Variants in MTMR9 observed in about 807,000 individuals in gnomAD.
MTMR9 encodes the protein myotubularin related protein 9, also known as myotubularin-related protein 9.
Under a neutral mutation model 69.5 loss-of-function variants are expected in MTMR9, and 39 were observed. The observed-to-expected ratio is 0.56, with a 90% confidence interval of 0.43 to 0.73. MTMR9 has a LOEUF of 0.73. MTMR9 is among the 30% of genes least tolerant of loss of function. The pLI is 0.00. For missense variants in MTMR9, 900 were observed against 671.2 expected (o/e 1.34, Z -3.77); for synonymous variants, 354 against 240.8 (o/e 1.47, Z -4.35).
intron 6 of MTMR9, among the ~76,000 whole-genome samples, chr8:11,312,685 A>T (rs1351280717): frequency 1.3e-5 from 2 of 152,236 alleles, no homozygotes; most frequent in African/African-American, 2.4e-5. Context: ...GATATTTTTA[A>T]TGGCATCTAG....
chr8:11,331,506 C>A (rs151141565), downstream of MTMR9: 12 of 1,613,830 alleles, frequency 7.4e-6, no homozygotes, highest in East Asian at 4.5e-5. Context: ...TGCCACTGTT[C>A]GCAAAGGTTC....
chr8:11,328,821 A>G (rs1801063866), downstream of MTMR9, among the ~76,000 whole-genome samples: 1 of 152,226 alleles, frequency 6.6e-6, no homozygotes, highest in African/African-American at 2.4e-5. Flanking sequence ...TAGTAATGGG[A>G]CATATCAACA....
At chr8:11,308,708 C>G (rs1800066043) in intron 5 of MTMR9, among the ~76,000 whole-genome samples, 1 of 152,102 alleles carries the variant, frequency 6.6e-6, no homozygotes, top group Non-Finnish European at 1.5e-5. Flanking sequence ...ATCTTTATTT[C>G]TGATTGTATG....
Position 11,316,682 on chromosome 8 carries a change from C to A in MTMR9, c.1123C>A (p.Pro375Thr). The A allele has an allele frequency of 6.2e-7, 1 of 1,601,368 alleles. No homozygotes were observed. Among genetic ancestry groups the A allele is most frequent in the Non-Finnish European group, 8.5e-7 (1 of 1,174,534 alleles). Residue 375 changes from proline (P) to threonine (T), a missense_variant, in exon 8 of 10, where the codon CCA (proline) becomes ACA (threonine). Coordinates refer to ENST00000221086, the MANE Select transcript of MTMR9 (RefSeq NM_015458.4). Reference protein sequence around the residue: ...IEREWLQAGHPFQQRCAQSAY... With the variant: ...IEREWLQAGHTFQQRCAQSAY... Reference sequence around the variant, plus strand: ...TCCATCTTCCCCCTAGGCTGGTCACCCATTCCAGCAGCGCTGTGCACAGTC... The same window carrying A: ...TCCATCTTCCCCCTAGGCTGGTCACACATTCCAGCAGCGCTGTGCACAGTC...
chr8:11,284,939 G>C lies in MTMR9; in HGVS notation c.51G>C (p.Leu17=). ...CCCCGCGGGTGGACAATGTGGTGCT[G>C]CACCGGCCTTTCTACCCGGCTGTCG... The part of the protein sequence containing the change: ...IKTPRVDNVV[L]HRPFYPAVEG... The change falls in exon 1 of 10, where the codon CTG becomes CTC. Residue 17 remains leucine (L), a synonymous_variant. Transcript: ENST00000221086. 1 of 1,613,924 alleles carries C rather than the reference G, an allele frequency of 6.2e-7. No individual in the cohort carries two copies. Among genetic ancestry groups the C allele is most frequent in the Non-Finnish European group, 8.5e-7 (1 of 1,179,920 alleles).
At chr8:11,313,888 C>T (rs1226682587) in intron 6 of MTMR9, among the ~76,000 whole-genome samples, 1 of 152,150 alleles carries the variant, frequency 6.6e-6, no homozygotes, top group African/African-American at 2.4e-5. Flanking sequence ...CAAAGTAAAA[C>T]ATGCTGTTGG....
chr8:11,305,067 T>A, intron 4 of MTMR9, 53 bp downstream of exon 4: 2 of 1,541,236 alleles, frequency 1.3e-6, no homozygotes, highest in Non-Finnish European at 1.8e-6. Flanking sequence ...GTTGGGGATC[T>A]TTTCGTAGAA....
the MTMR9 span, among the ~76,000 whole-genome samples, chr8:11,333,898 C>T: frequency 3.9e-5 from 6 of 152,180 alleles, no homozygotes; most frequent in Non-Finnish European, 8.8e-5. Context: ...GAGGTGGAAC[C>T]TTTAAGAGAT....
At chr8:11,316,956 C>A in intron 8 of MTMR9, 63 bp downstream of exon 8, 2 of 1,103,816 alleles carry the variant, frequency 1.8e-6, no homozygotes, top group Non-Finnish European at 1.3e-6. Flanking sequence ...TCCTAAGTAG[C>A]CAGAATCTCC....
Position 11,325,413 on chromosome 8 carries a change from C to T in MTMR9, c.*2625C>T, listed in dbSNP as rs1172005861. 1 of 152,192 alleles carries T rather than the reference C, an allele frequency of 6.6e-6. No individual in the cohort carries two copies. The highest frequency in any genetic ancestry group is 1.5e-5 in the Non-Finnish European group (1 of 68,046). 9.4% of individuals were successfully genotyped at this position (152,192 alleles called of 1,614,324 possible). On this transcript the variant is annotated 3_prime_UTR_variant, in exon 10 of 10. Coordinates refer to ENST00000221086, the MANE Select transcript of MTMR9 (RefSeq NM_015458.4). ...CCTTTGATAAATGTGCTGTTAAACA[C>T]TTGAATGAAGAGAATGGTGGCAGAA...
chr8:11,319,980 C>A, intron 9 of MTMR9, 142 bp downstream of exon 9: 1 of 699,262 alleles, frequency 1.4e-6, no homozygotes, highest in Non-Finnish European at 2.2e-6. Context: ...TCAGTGTGGG[C>A]ATGTTTTTCT....
chr8:11,304,569 T>C (rs1442840371), intron 3 of MTMR9, among the ~76,000 whole-genome samples: 1 of 152,156 alleles, frequency 6.6e-6, no homozygotes, highest in African/African-American at 2.4e-5. Flanking sequence ...TAAAAACCAA[T>C]AGAGGGAGCT....
At chr8:11,297,903 C>G (rs1032377398) in intron 2 of MTMR9, 2 of 456,130 alleles carry the variant, frequency 4.4e-6, no homozygotes, top group African/African-American at 4.0e-5. Flanking sequence ...GGCACAGAAT[C>G]CCTCCTGCTA....
rs115766259 is a variant in MTMR9, at chr8:11,327,379, G to C, written c.*4591G>C. The C allele has an allele frequency of 5.3e-5, 8 of 152,132 alleles. No homozygotes were observed. The highest frequency in any genetic ancestry group is 1.3e-4 in the Admixed American group (2 of 15,278). The allele number at this position is 152,132 out of a possible 1,614,324, so 9.4% of individuals were successfully genotyped here. On this transcript the variant is annotated 3_prime_UTR_variant, in exon 10 of 10. Coordinates refer to ENST00000221086, the MANE Select transcript of MTMR9 (RefSeq NM_015458.4). ...ACTTCTAGAGCCATTCTCTTTAACCGTCTGCAGGTCTAAGGATTAACTATA... is the reference window on the plus strand; with the variant it reads ...ACTTCTAGAGCCATTCTCTTTAACCCTCTGCAGGTCTAAGGATTAACTATA...
At chr8:11,286,803 C>T (rs368052734) in intron 1 of MTMR9, among the ~76,000 whole-genome samples, 1 of 151,994 alleles carries the variant, frequency 6.6e-6, no homozygotes, top group Non-Finnish European at 1.5e-5. Flanking sequence ...TTTTAACGAG[C>T]CTTTCTTGCA....
At chr8:11,287,675 T>G (rs183582136) in intron 1 of MTMR9, among the ~76,000 whole-genome samples, 1 of 141,402 alleles carries the variant, frequency 7.1e-6, no homozygotes, top group Non-Finnish European at 1.5e-5. Flanking sequence ...TTATTAGATA[T>G]ATTTATATTT....
At position 11,309,465 on chromosome 8, in the gene MTMR9, T is replaced by A. The variant is rs979372107; in HGVS notation, c.810-62T>A. ...GATATGTTGGAGGCTGAATCTTTGG[T>A]TTGGTTTCTTTATCTTTCTATTTTC... is the stretch of plus-strand genomic sequence containing the variant. On this transcript the variant is annotated intron_variant, in intron 5 of 9. Coordinates refer to ENST00000221086, the MANE Select transcript of MTMR9 (RefSeq NM_015458.4). The A allele has an allele frequency of 1.8e-5, 26 of 1,439,138 alleles. No individual in the cohort carries two copies. In the African/African-American group the frequency reaches 3.6e-4, roughly 20 times the overall value. 89.1% of individuals were successfully genotyped at this position (1,439,138 alleles called of 1,614,324 possible).
rs753190719 is a variant in MTMR9, at chr8:11,304,822, A to T, written c.418-19A>T. 4 of 1,609,368 alleles carry T rather than the reference A, an allele frequency of 2.5e-6. No individual in the cohort carries two copies. Among genetic ancestry groups the T allele is most frequent in the South Asian group, 1.1e-5 (1 of 90,588 alleles). On this transcript the variant is annotated intron_variant, in intron 3 of 9. Coordinates refer to ENST00000221086, the MANE Select transcript of MTMR9 (RefSeq NM_015458.4). ...CATTGAGATAGTTGCTTAGCTTTGA[A>T]GTATTTTGTGTTTTTCAGACCAGTG...
At chr8:11,332,352 T>G, downstream of MTMR9, 2 of 783,768 alleles carry the variant, frequency 2.6e-6, no homozygotes, top group Non-Finnish European at 3.6e-6. Flanking sequence ...TAAAATTAAT[T>G]GAACTATCCT....
Sources: allele counts gnomAD v4.1 joint callset (sites outside exome capture counted in the v4.1 genomes callset), GRCh38; gene constraint gnomAD v4.1.1; transcripts MANE v1.5; gene names NCBI Gene and HGNC (gene_info 2026-07-23, HGNC 2026-07-21).